The following NKAIN3 variants were observed in gnomAD, a reference collection of about 807,000 sequenced individuals.
The protein encoded by NKAIN3 is sodium/potassium-transporting ATPase subunit beta-1-interacting protein 3.
A neutral mutation model predicts 30.2 loss-of-function variants in NKAIN3; 25 were observed. The ratio of observed to expected loss-of-function variants is 0.83; its 90% CI spans 0.60 to 1.16. The LOEUF (loss-of-function observed/expected upper bound fraction) is 1.16, where lower values mean the gene tolerates loss of function less well. Ranked by LOEUF, NKAIN3 falls within the 50% of genes most tolerant of loss-of-function variation. NKAIN3 has a pLI of 0.00. For missense variants in NKAIN3, 225 were observed against 254.1 expected (o/e 0.89, Z 0.78); for synonymous variants, 91 against 89.6 (o/e 1.02, Z -0.09).
chr8:62,262,528 T>C (rs1812473874), intron 1 of NKAIN3, among the ~76,000 whole-genome samples: 1 of 152,140 alleles, frequency 6.6e-6, no homozygotes, highest in Non-Finnish European at 1.5e-5. Flanking sequence ...AGTATTGTGA[T>C]TGCCAAAGAT....
chr8:62,299,224 T>C (rs1284257335), intron 1 of NKAIN3, among the ~76,000 whole-genome samples: 1 of 152,162 alleles, frequency 6.6e-6, no homozygotes, highest in African/African-American at 2.4e-5. Context: ...TTTAAAATTA[T>C]GGCTAAACAC....
chr8:62,518,954 A>G (rs1025685132), intron 1 of NKAIN3, among the ~76,000 whole-genome samples: 2 of 152,178 alleles, frequency 1.3e-5, no homozygotes, highest in Non-Finnish European at 2.9e-5. Context: ...TCTCAGAGTC[A>G]TTTTAGCACT....
At chr8:62,866,531 A>C (rs1253679573) in intron 4 of NKAIN3, among the ~76,000 whole-genome samples, 3 of 152,228 alleles carry the variant, frequency 2.0e-5, no homozygotes, top group Non-Finnish European at 4.4e-5. Context: ...CACAGGTGGC[A>C]ATACAATTTT....
At position 62,395,217 on chromosome 8, in the gene NKAIN3, AC is replaced by A. The variant is rs540623212; in HGVS notation, c.54+146092del. Among the ~76,000 whole-genome samples, 1,007 of 136,224 alleles carry A rather than the reference AC, an allele frequency of 7.4e-3. 4 individuals carry two copies. Among genetic ancestry groups the A allele is most frequent in the Middle Eastern group, 0.04 (7 of 174 alleles). The allele number at this position is 136,224 out of a possible 152,430, so 89.4% of individuals were successfully genotyped here. ...GGCAGCAGCGCCCCTCACTTCCCAGACCGAGGGAGGTGCGGGGAGAGGTGGC... is the reference window on the plus strand; with the variant it reads ...GGCAGCAGCGCCCCTCACTTCCCAGACGAGGGAGGTGCGGGGAGAGGTGGC... On this transcript the variant is annotated intron_variant, in intron 1 of 6. Transcript: ENST00000623646.
chr8:62,926,752 G>T (rs1229126005), intron 5 of NKAIN3, among the ~76,000 whole-genome samples: 1 of 152,108 alleles, frequency 6.6e-6, no homozygotes, highest in South Asian at 2.1e-4. Flanking sequence ...AAAGCAGTGG[G>T]AATGATTTCC....
intron 1 of NKAIN3, among the ~76,000 whole-genome samples, chr8:62,486,137 A>G (rs984897626): frequency 2.6e-5 from 4 of 152,194 alleles, no homozygotes; most frequent in Non-Finnish European, 5.9e-5. Flanking sequence ...CGCTGAGGAC[A>G]GAGTCCTAGG....
chr8:62,741,775 GCTTTGCT>G (rs1563541027), intron 3 of NKAIN3, among the ~76,000 whole-genome samples: 1 of 151,954 alleles, frequency 6.6e-6, no homozygotes, highest in African/African-American at 2.4e-5. Context: ...AAATTTGTAC[GCTTTGCT>G]CTCCTGTTAA....
chr8:62,503,858 A>G (rs1029074040), intron 1 of NKAIN3, among the ~76,000 whole-genome samples: 7 of 152,226 alleles, frequency 4.6e-5, no homozygotes, highest in African/African-American at 9.6e-5. Flanking sequence ...CTGATTTCAT[A>G]CTGTTCAAAC....
intron 1 of NKAIN3, among the ~76,000 whole-genome samples, chr8:62,293,990 T>C (rs1249819803): frequency 6.6e-6 from 1 of 152,142 alleles, no homozygotes; most frequent in Non-Finnish European, 1.5e-5. Flanking sequence ...CTCAGACTGC[T>C]GTGCTAGTAG....
intron 4 of NKAIN3, among the ~76,000 whole-genome samples, chr8:62,904,294 G>A (rs1821709396): frequency 6.6e-6 from 1 of 152,184 alleles, no homozygotes; most frequent in South Asian, 2.1e-4. Flanking sequence ...CCCCAGTGAA[G>A]GAAGCAGTAT....
chr8:62,336,548 G>A (rs141337724), intron 1 of NKAIN3, among the ~76,000 whole-genome samples: 1 of 151,950 alleles, frequency 6.6e-6, no homozygotes, highest in Non-Finnish European at 1.5e-5. Context: ...GTCTCTATGA[G>A]GCCCTTCTAG....
At chr8:62,397,591 A>G (rs997492636) in intron 1 of NKAIN3, among the ~76,000 whole-genome samples, 18 of 152,170 alleles carry the variant, frequency 1.2e-4, no homozygotes, top group African/African-American at 2.2e-4. Flanking sequence ...TTGACTCCCA[A>G]TTAGTTCTCT....
rs547457491 is a variant in NKAIN3 at position 62,709,029 on chromosome 8, A to G, written c.274-37903A>G. Among the ~76,000 whole-genome samples, 3 of 152,116 alleles carry G rather than the reference A, an allele frequency of 2.0e-5. No homozygotes were observed. The South Asian group carries it at 6.2e-4, about 32-fold the overall frequency. On this transcript the variant is annotated intron_variant, in intron 3 of 6. Transcript: ENST00000623646. Reference sequence around the variant, plus strand: ...GTTTACATGGTGTATCCTGTTTGTCAACTTGCATGTGTTAAACCATCCCTG... The same window carrying G: ...GTTTACATGGTGTATCCTGTTTGTCGACTTGCATGTGTTAAACCATCCCTG...
chr8:62,717,842 A>C (rs1381753742), intron 3 of NKAIN3, among the ~76,000 whole-genome samples: 2 of 152,200 alleles, frequency 1.3e-5, no homozygotes, highest in Non-Finnish European at 2.9e-5. Context: ...GACTGCCTTT[A>C]GGTTATTTCT....
intron 3 of NKAIN3, among the ~76,000 whole-genome samples, chr8:62,666,679 T>G (rs749818847): frequency 4.6e-5 from 7 of 152,170 alleles, no homozygotes; most frequent in Non-Finnish European, 1.0e-4. Flanking sequence ...TGGGTTATTG[T>G]TCTAAAGGAA....
chr8:62,960,014 T>C (rs116211625), intron 6 of NKAIN3, among the ~76,000 whole-genome samples: 2 of 152,230 alleles, frequency 1.3e-5, no homozygotes, highest in African/African-American at 4.8e-5. Flanking sequence ...TAATAACTTT[T>C]TGATGCATCA....
chr8:62,677,402 G>T (rs2130406023), intron 3 of NKAIN3, among the ~76,000 whole-genome samples: 1 of 152,314 alleles, frequency 6.6e-6, no homozygotes, highest in Non-Finnish European at 1.5e-5. Context: ...GATGTGAGAA[G>T]GGGGCATAAC....
rs538474650 is a variant in NKAIN3 at position 62,793,758 on chromosome 8, A to G, written c.471+46629A>G. ...GATTCTCGAGGTCTAAGAAAATCTA[A>G]TCTCCAACATTGAAGTTTCAGCTCT... On this transcript the variant is annotated intron_variant, in intron 4 of 6. Coordinates refer to ENST00000623646, the MANE Select transcript of NKAIN3 (RefSeq NM_001304533.3). Among the ~76,000 whole-genome samples, 23 of 152,290 alleles carry G rather than the reference A, an allele frequency of 1.5e-4. No individual in the cohort carries two copies. The South Asian group carries it at 1.7e-3, about 11-fold the overall frequency.
chr8:62,848,634 C>G (rs62510768), intron 4 of NKAIN3, among the ~76,000 whole-genome samples: 6 of 152,142 alleles, frequency 3.9e-5, no homozygotes, highest in Non-Finnish European at 8.8e-5. Context: ...TTGACTTCCT[C>G]TCTTCCTATT....
Sources: allele counts gnomAD v4.1 joint callset (sites outside exome capture counted in the v4.1 genomes callset), GRCh38; gene constraint gnomAD v4.1.1; transcripts MANE v1.5; gene names NCBI Gene and HGNC (gene_info 2026-07-23, HGNC 2026-07-21).